Variants in FGD6 observed in about 807,000 individuals in gnomAD.
FGD6 encodes FYVE, RhoGEF and PH domain-containing protein 6.
Under a neutral mutation model 149.4 loss-of-function variants are expected in FGD6, and 90 were observed. The ratio of observed to expected loss-of-function variants is 0.60; its 90% CI spans 0.51 to 0.72. The LOEUF (loss-of-function observed/expected upper bound fraction) is 0.72. FGD6 is among the 30% of genes least tolerant of loss of function. The pLI, the probability that FGD6 is intolerant of heterozygous loss-of-function variation, is 0.00. For synonymous variants in FGD6, 527 were observed against 584.0 expected (o/e 0.90, Z 1.41); for missense variants, 1,437 against 1,684.8 (o/e 0.85, Z 2.57).
rs1878703777 is a variant in FGD6, at chr12:95,108,431, C to A, written c.3193-12G>T. 6.2e-7 allele frequency: 1 copy of A among 1,613,986 alleles called. No individual in the cohort carries two copies. Among genetic ancestry groups the A allele is most frequent in the African/African-American group, 1.3e-5 (1 of 75,038 alleles). On this transcript the variant is annotated splice_polypyrimidine_tract_variant and intron_variant, in intron 10 of 20. Transcript: ENST00000343958. ...TTCTGAAAGTTGTCCTACAGAAAGA[C>A]AATGGAAAGCATATGAAGGCCTGGG...
chr12:95,196,998 T>C (rs1250094962), intron 2 of FGD6, among the ~76,000 whole-genome samples: 1 of 152,156 alleles, frequency 6.6e-6, no homozygotes, highest in African/African-American at 2.4e-5. Flanking sequence ...TGGAAGTAGA[T>C]TCAGCAAGCC....
chr12:95,217,266 C>G lies in FGD6; in HGVS notation c.-26G>C, dbSNP rs758417448. ...GATTCCCCGGTGCAGCTCGCTTCCC[C>G]GCTCGGCCCCTCAATCCATCTTCCC... is the stretch of plus-strand genomic sequence containing the variant. On this transcript the variant is annotated 5_prime_UTR_variant, in exon 1 of 21. Coordinates refer to ENST00000343958, the MANE Select transcript of FGD6 (RefSeq NM_018351.4). The G allele has an allele frequency of 1.7e-5, 28 of 1,602,424 alleles. No individual in the cohort carries two copies. In the East Asian group the frequency reaches 4.6e-4, roughly 26 times the overall value.
chr12:95,083,030 T>TATATATATATACACACACACACAC (rs772685891), intron 20 of FGD6, among the ~76,000 whole-genome samples: 5 of 56,594 alleles, frequency 8.8e-5, no homozygotes, highest in South Asian at 7.0e-4. Context: ...TATATATATA[T>TATATATATATACACACACACACAC]ACACACACAT....
intron 8 of FGD6, among the ~76,000 whole-genome samples, chr12:95,114,760 C>T (rs1041178269): frequency 1.3e-5 from 2 of 152,154 alleles, no homozygotes; most frequent in African/African-American, 4.8e-5. Flanking sequence ...TGGATGGCCT[C>T]CCATTACCTG....
chr12:95,184,477 C>A (rs1592867472), intron 2 of FGD6, among the ~76,000 whole-genome samples: 1 of 152,084 alleles, frequency 6.6e-6, no homozygotes, highest in East Asian at 1.9e-4. Flanking sequence ...AGTTATAAAC[C>A]ATCAATAACC....
At chr12:95,129,845 G>GA (rs1555218795) in intron 8 of FGD6, among the ~76,000 whole-genome samples, 4 of 150,744 alleles carry the variant, frequency 2.7e-5, no homozygotes, top group African/African-American at 9.7e-5. Flanking sequence ...GCTAATTTTT[G>GA]TTTTTTTTTG....
In FGD6 at chr12:95,098,329, A is replaced by T. The variant is rs554697714; in HGVS notation, c.3498-3635T>A. On this transcript the variant is annotated intron_variant, in intron 14 of 20. Coordinates refer to ENST00000343958, the MANE Select transcript of FGD6 (RefSeq NM_018351.4). Reference sequence around the variant, plus strand: ...GTCCCCTCCTTTAGGCCACCTCCCAAACCAGATTCCATGCAGCAGCCGGAT... The same window carrying T: ...GTCCCCTCCTTTAGGCCACCTCCCATACCAGATTCCATGCAGCAGCCGGAT... 2.0e-5 allele frequency among the ~76,000 whole-genome samples: 3 copies of T among 152,130 alleles called. No homozygotes were observed. The East Asian group carries it at 5.8e-4, about 29-fold the overall frequency.
chr12:95,204,012 A>G (rs1430699234), intron 2 of FGD6, among the ~76,000 whole-genome samples: 1 of 152,204 alleles, frequency 6.6e-6, no homozygotes, highest in Non-Finnish European at 1.5e-5. Context: ...CATCACCTGA[A>G]TATCAATAAG....
Position 95,210,876 on chromosome 12 carries a change from C to T in FGD6, c.408G>A (p.Leu136=). The change falls in exon 2 of 21, where the codon CTG becomes CTA. Residue 136 remains leucine, a synonymous_variant. Transcript: ENST00000343958. ...TGTTTTCTAAATTTTCATTCATTTC[C>T]AGGGGCTCTAAAACAAGCTGCTTTA... ...LCVKQLVLEP[L]EMNENLENSK... 2 of 1,612,222 alleles carry T rather than the reference C, an allele frequency of 1.2e-6. No homozygotes were observed. The highest frequency in any genetic ancestry group is 1.7e-6 in the Non-Finnish European group (2 of 1,179,600).
At chr12:95,081,618 A>G in intron 20 of FGD6, 62 bp from the exon 21 acceptor site, 1 of 1,159,998 alleles carries the variant, frequency 8.6e-7, no homozygotes, top group Non-Finnish European at 1.3e-6. Context: ...TGAACACCAT[A>G]TAGATGACAG....
chr12:95,141,804 A>G (rs910044716), intron 5 of FGD6, among the ~76,000 whole-genome samples: 1 of 152,234 alleles, frequency 6.6e-6, no homozygotes. Context: ...CTCTAAACTT[A>G]GCAATTATAC....
chr12:95,201,496 A>G (rs928035374), intron 2 of FGD6, among the ~76,000 whole-genome samples: 12 of 152,316 alleles, frequency 7.9e-5, no homozygotes, highest in African/African-American at 2.9e-4. Context: ...ACCCCCACTC[A>G]GTTATGACTA....
chr12:95,121,972 T>C lies in FGD6; in HGVS notation c.3083-8271A>G, dbSNP rs188976731. On this transcript the variant is annotated intron_variant, in intron 8 of 20. Transcript: ENST00000343958. The stretch of plus-strand genomic sequence containing the variant: ...ACATTAGATTCTTATAAACAGTCCA[T>C]TTCAAGTTACTTCCTTATTACATAA... Among the ~76,000 whole-genome samples the C allele has an allele frequency of 3.0e-3, 458 of 152,316 alleles. 8 individuals are homozygous for C. Among genetic ancestry groups the C allele is most frequent in the Admixed American group, 5.0e-3 (77 of 15,294 alleles).
chr12:95,156,431 C>T (rs1168013723), intron 3 of FGD6, among the ~76,000 whole-genome samples: 2 of 152,162 alleles, frequency 1.3e-5, no homozygotes, highest in South Asian at 2.1e-4. Flanking sequence ...CGCTCCCAGG[C>T]TTATTAGGAC....
At chr12:95,171,795 G>A (rs1221450545) in intron 3 of FGD6, among the ~76,000 whole-genome samples, 1 of 152,096 alleles carries the variant, frequency 6.6e-6, no homozygotes, top group Non-Finnish European at 1.5e-5. Context: ...GATTATAGGT[G>A]TGAACCACCG....
At chr12:95,113,241 T>C (rs1487875825) in intron 9 of FGD6, among the ~76,000 whole-genome samples, 1 of 150,704 alleles carries the variant, frequency 6.6e-6, no homozygotes, top group East Asian at 1.9e-4. Context: ...CTTTTTTTTT[T>C]TTTTTTTTTG....
At chr12:95,186,468 G>A (rs1881440123) in intron 2 of FGD6, among the ~76,000 whole-genome samples, 1 of 145,696 alleles carries the variant, frequency 6.9e-6, no homozygotes, top group Admixed American at 7.0e-5. Context: ...AAAGTGCTGG[G>A]ATTATAGGCA....
At chr12:95,097,629 T>G (rs1475577884) in intron 14 of FGD6, among the ~76,000 whole-genome samples, 1 of 109,186 alleles carries the variant, frequency 9.2e-6, no homozygotes, top group African/African-American at 3.7e-5. Context: ...AGTGAGACTC[T>G]GTCTCAAAAA....
intron 2 of FGD6, among the ~76,000 whole-genome samples, chr12:95,180,212 T>C (rs772369742): frequency 6.6e-6 from 1 of 151,944 alleles, no homozygotes; most frequent in Non-Finnish European, 1.5e-5. Flanking sequence ...GAAGAGTACA[T>C]ATACACAAAA....
Sources: allele counts gnomAD v4.1 joint callset (sites outside exome capture counted in the v4.1 genomes callset), GRCh38; gene constraint gnomAD v4.1.1; transcripts MANE v1.5; gene names NCBI Gene and HGNC (gene_info 2026-07-23, HGNC 2026-07-21).